The following PDE10A variants were observed in gnomAD, a reference collection of about 807,000 sequenced individuals.
PDE10A encodes the protein phosphodiesterase 10A, also known as cAMP and cAMP-inhibited cGMP 3',5'-cyclic phosphodiesterase 10A.
Under a neutral mutation model 97.7 loss-of-function variants are expected in PDE10A, and 39 were observed. The ratio of observed to expected loss-of-function variants is 0.40; its 90% CI spans 0.31 to 0.52. The LOEUF (loss-of-function observed/expected upper bound fraction) is 0.52, where lower values mean the gene tolerates loss of function less well. Ranked by LOEUF, PDE10A falls within the 20% of genes least tolerant of loss-of-function variation. The pLI, the probability that PDE10A is intolerant of heterozygous loss-of-function variation, is 0.56. For missense variants in PDE10A, 731 were observed against 1,047.8 expected, an observed-to-expected ratio of 0.70 and a Z score of 4.17; for synonymous variants, 371 against 376.8, an observed-to-expected ratio of 0.98 and a Z score of 0.18.
intron 3 of PDE10A, among the ~76,000 whole-genome samples, chr6:165,463,952 C>T (rs1224500498): frequency 1.3e-5 from 2 of 152,220 alleles, no homozygotes; most frequent in African/African-American, 4.8e-5. Flanking sequence ...TCCATCCCTT[C>T]GTTTCCCATA....
intron 1 of PDE10A, among the ~76,000 whole-genome samples, chr6:165,935,750 G>C (rs980195187): frequency 6.6e-6 from 1 of 152,150 alleles, no homozygotes; most frequent in African/African-American, 2.4e-5. Context: ...CTATATCAGG[G>C]GTGTGTTAGT....
intron 1 of PDE10A, among the ~76,000 whole-genome samples, chr6:165,918,206 A>G (rs1782660152): frequency 6.6e-6 from 1 of 152,148 alleles, no homozygotes; most frequent in South Asian, 2.1e-4. Context: ...AATAGACTTT[A>G]TTTTTTAAGA....
chr6:165,817,432 C>A (rs921605359), intron 1 of PDE10A, among the ~76,000 whole-genome samples: 3 of 152,024 alleles, frequency 2.0e-5, no homozygotes, highest in South Asian at 2.1e-4. Context: ...ATTCAGAGAC[C>A]CCCACTCCCT....
intron 1 of PDE10A, among the ~76,000 whole-genome samples, chr6:165,906,448 G>A (rs1183867374): frequency 6.6e-6 from 1 of 152,080 alleles, no homozygotes; most frequent in Non-Finnish European, 1.5e-5. Context: ...TGTCTTTCAA[G>A]GTCCTGTAGA....
intron 1 of PDE10A, among the ~76,000 whole-genome samples, chr6:165,736,016 T>C (rs574020620): frequency 1.3e-5 from 2 of 152,186 alleles, no homozygotes; most frequent in Non-Finnish European, 2.9e-5. Context: ...AGCATTAACA[T>C]AGACTTTTTT....
intron 2 of PDE10A, among the ~76,000 whole-genome samples, chr6:165,504,719 A>G (rs961461843): frequency 1.3e-5 from 2 of 152,132 alleles, no homozygotes; most frequent in Non-Finnish European, 2.9e-5. Flanking sequence ...TTAACATAAC[A>G]TAAAATCTTA....
At chr6:165,867,209 T>C (rs868219111) in intron 1 of PDE10A, among the ~76,000 whole-genome samples, 1 of 142,704 alleles carries the variant, frequency 7.0e-6, no homozygotes, top group South Asian at 2.3e-4. Flanking sequence ...AATCCCCCAA[T>C]TAAAAAATAT....
At chr6:165,985,693 C>T (rs1785172308) in intron 1 of PDE10A, among the ~76,000 whole-genome samples, 1 of 151,870 alleles carries the variant, frequency 6.6e-6, no homozygotes, top group Non-Finnish European at 1.5e-5. Context: ...GCCCTCTGGA[C>T]ACAGGTGTCC....
intron 1 of PDE10A, among the ~76,000 whole-genome samples, chr6:165,834,068 C>T (rs1477056292): frequency 6.6e-6 from 1 of 152,180 alleles, no homozygotes; most frequent in Non-Finnish European, 1.5e-5. Context: ...GTCCCACTTG[C>T]GAGGGGCTCA....
chr6:165,977,675 T>C (rs541739954), intron 1 of PDE10A, among the ~76,000 whole-genome samples: 11 of 152,340 alleles, frequency 7.2e-5, no homozygotes, highest in South Asian at 6.2e-4. Flanking sequence ...AACACCTTCA[T>C]TGATGAGTTC....
chr6:165,470,871 T>C (rs1778956697), intron 3 of PDE10A, among the ~76,000 whole-genome samples: 1 of 152,278 alleles, frequency 6.6e-6, no homozygotes, highest in Admixed American at 6.5e-5. Flanking sequence ...CACAAATATA[T>C]AAACATGCTG....
At chr6:165,477,747 C>T (rs1278550643) in intron 3 of PDE10A, among the ~76,000 whole-genome samples, 2 of 152,174 alleles carry the variant, frequency 1.3e-5, no homozygotes, top group African/African-American at 4.8e-5. Context: ...TGTTAGATAA[C>T]AGAAATAAAA....
At chr6:165,542,602 T>C (rs1355139268) in intron 2 of PDE10A, among the ~76,000 whole-genome samples, 1 of 148,708 alleles carries the variant, frequency 6.7e-6, no homozygotes, top group Non-Finnish European at 1.5e-5. Flanking sequence ...GTCAAAAAGA[T>C]GTCCTTGTTC....
intron 1 of PDE10A, among the ~76,000 whole-genome samples, chr6:165,924,142 G>A (rs941838091): frequency 2.6e-5 from 4 of 152,136 alleles, no homozygotes; most frequent in East Asian, 1.9e-4. Context: ...CGTTGTTTCC[G>A]TGTTGGATAG....
At chr6:165,911,782 C>T (rs1211764715) in intron 1 of PDE10A, among the ~76,000 whole-genome samples, 2 of 152,224 alleles carry the variant, frequency 1.3e-5, no homozygotes, top group Non-Finnish European at 2.9e-5. Flanking sequence ...GGGACTGAAG[C>T]ACCTGCAAAC....
chr6:165,887,087 A>C (rs757293399), intron 1 of PDE10A, among the ~76,000 whole-genome samples: 13 of 152,256 alleles, frequency 8.5e-5, no homozygotes, highest in Non-Finnish European at 1.5e-4. Context: ...TCTACAAAAG[A>C]AAAGAAAAAT....
chr6:165,437,094 AAAG>A (rs1176672180), intron 5 of PDE10A, among the ~76,000 whole-genome samples: 4 of 152,212 alleles, frequency 2.6e-5, no homozygotes, highest in African/African-American at 4.8e-5. Flanking sequence ...GATAACTCTT[AAAG>A]AAGAACATGT....
At chr6:165,782,574 C>T (rs1778372636) in intron 1 of PDE10A, among the ~76,000 whole-genome samples, 1 of 152,176 alleles carries the variant, frequency 6.6e-6, no homozygotes, top group African/African-American at 2.4e-5. Context: ...GAACATTGGA[C>T]TCAATTATCC....
At chr6:165,965,955 G>A (rs697468) in intron 1 of PDE10A, among the ~76,000 whole-genome samples, 82,087 of 152,134 alleles carry the variant, frequency 0.54, 22,888 homozygotes, top group East Asian at 0.83. Context: ...ATATTATTAG[G>A]GGTGAACTGT....
Sources: gnomAD v4.1 joint callset for allele counts (sites outside exome capture counted in the v4.1 genomes callset) on GRCh38, gnomAD v4.1.1 for gene constraint, MANE v1.5 for transcripts, NCBI Gene and HGNC (gene_info 2026-07-23, HGNC 2026-07-21) for gene names.